CPPED1: variants seen among roughly 807,000 people sequenced by gnomAD.
CPPED1 encodes serine/threonine-protein phosphatase CPPED1.
Under a neutral mutation model 28.0 loss-of-function variants are expected in CPPED1, and 28 were observed. The ratio of observed to expected loss-of-function variants is 1.00; its 90% CI spans 0.74 to 1.37. The LOEUF (loss-of-function observed/expected upper bound fraction) is 1.37, where lower values mean the gene tolerates loss of function less well. Ranked by LOEUF, CPPED1 falls within the 40% of genes most tolerant of loss-of-function variation. CPPED1 has a pLI of 0.00. For missense variants in CPPED1, 504 were observed against 416.5 expected (o/e 1.21, Z -1.83); for synonymous variants, 198 against 180.2 (o/e 1.10, Z -0.79).
chr16:12,733,297 CAG>C (rs1405406183), intron 2 of CPPED1, among the ~76,000 whole-genome samples: 15 of 130,262 alleles, frequency 1.2e-4, no homozygotes, highest in African/African-American at 4.3e-4. Flanking sequence ...TTTTTTGAGA[CAG>C]AGTCTTGTAC....
At chr16:12,732,307 T>C (rs1481368033) in intron 2 of CPPED1, among the ~76,000 whole-genome samples, 1 of 137,706 alleles carries the variant, frequency 7.3e-6, no homozygotes, top group Non-Finnish European at 1.6e-5. Flanking sequence ...GCTTAGAAGA[T>C]AAGGTGAGGA....
At chr16:12,734,227 G>A (rs951866793) in intron 2 of CPPED1, among the ~76,000 whole-genome samples, 6 of 151,238 alleles carry the variant, frequency 4.0e-5, no homozygotes, top group Admixed American at 4.0e-4. Context: ...GCACCACCAT[G>A]CCCAGCTAAT....
rs1306574265 is a variant in CPPED1 at position 12,732,060 on chromosome 16, G to A, written c.290-27011C>T. 2.0e-5 allele frequency among the ~76,000 whole-genome samples: 3 copies of A among 152,098 alleles called. No homozygotes were observed. The East Asian group carries it at 5.8e-4, about 30-fold the overall frequency. ...CGCCTGTAATCCCAGCTACTCAGGA[G>A]GCTGGGGCAGTAGAATCGCCTGGGG... On this transcript the variant is annotated intron_variant, in intron 2 of 3. Transcript: ENST00000381774.
intron 2 of CPPED1, among the ~76,000 whole-genome samples, chr16:12,767,267 G>A (rs1001938609): frequency 6.6e-6 from 1 of 152,164 alleles, no homozygotes; most frequent in African/African-American, 2.4e-5. Context: ...CCAGGGGCAG[G>A]AGAAGGTAGA....
intron 2 of CPPED1, among the ~76,000 whole-genome samples, chr16:12,764,863 G>T (rs12599219): frequency 0.018 from 2,672 of 152,280 alleles, 67 homozygotes; most frequent in East Asian, 0.12. Context: ...CTAAGCAGGG[G>T]CAAACACATA....
At chr16:12,736,851 C>G (rs900764175) in intron 2 of CPPED1, among the ~76,000 whole-genome samples, 7 of 151,988 alleles carry the variant, frequency 4.6e-5, no homozygotes, top group Non-Finnish European at 2.9e-5. Context: ...CGGAGGGAAA[C>G]CAAGTGGGAA....
chr16:12,777,345 T>C (rs1369237210), intron 2 of CPPED1, among the ~76,000 whole-genome samples: 2 of 152,210 alleles, frequency 1.3e-5, no homozygotes, highest in African/African-American at 2.4e-5. Context: ...ATGTTCTGAT[T>C]TGTCAGCTTC....
chr16:12,676,234 C>T (rs2079877138), intron 3 of CPPED1, among the ~76,000 whole-genome samples: 1 of 152,180 alleles, frequency 6.6e-6, no homozygotes, highest in Non-Finnish European at 1.5e-5. Context: ...CTTCAGTTAG[C>T]TTGAGACAAT....
chr16:12,791,775 G>C lies in CPPED1; in HGVS notation c.71-10372C>G, dbSNP rs572188257. ...CAGAGCCACCATCCTGAAAGCTCCAGGGCAGGCCCACGTTTGCATTCCCTT... is the reference window on the plus strand; with the variant it reads ...CAGAGCCACCATCCTGAAAGCTCCACGGCAGGCCCACGTTTGCATTCCCTT... On this transcript the variant is annotated intron_variant, in intron 1 of 3. Coordinates refer to ENST00000381774, the MANE Select transcript of CPPED1 (RefSeq NM_018340.3). 3.2e-3 allele frequency among the ~76,000 whole-genome samples: 494 copies of C among 152,296 alleles called. 1 individual carries two copies. The highest frequency in any genetic ancestry group is 5.5e-3 in the Non-Finnish European group (373 of 68,028).
intron 1 of CPPED1, among the ~76,000 whole-genome samples, chr16:12,797,819 A>G (rs541926476): frequency 2.6e-4 from 40 of 152,126 alleles, no homozygotes; most frequent in Non-Finnish European, 4.4e-4. Context: ...TGGGTTGGAC[A>G]AGCTTGTCCT....
At chr16:12,747,659 C>T (rs2080299148) in intron 2 of CPPED1, among the ~76,000 whole-genome samples, 1 of 152,058 alleles carries the variant, frequency 6.6e-6, no homozygotes, top group Non-Finnish European at 1.5e-5. Flanking sequence ...CTCAGGCAAT[C>T]TGCCCGCCTC....
At chr16:12,783,266 G>T (rs1453873863) in intron 1 of CPPED1, among the ~76,000 whole-genome samples, 2 of 152,240 alleles carry the variant, frequency 1.3e-5, no homozygotes, top group African/African-American at 4.8e-5. Context: ...GGGAGGCCAA[G>T]GCGGGCAGAT....
chr16:12,667,396 A>G (rs1431187038), intron 3 of CPPED1, among the ~76,000 whole-genome samples: 2 of 152,212 alleles, frequency 1.3e-5, no homozygotes, highest in African/African-American at 4.8e-5. Flanking sequence ...AACAGGAGGT[A>G]ATGAACATTT....
intron 3 of CPPED1, among the ~76,000 whole-genome samples, chr16:12,669,679 T>G (rs181284956): frequency 3.1e-4 from 47 of 152,330 alleles, no homozygotes; most frequent in African/African-American, 1.0e-3. Context: ...TTCCTTGCTC[T>G]GTCAGCTGAG....
intron 2 of CPPED1, among the ~76,000 whole-genome samples, chr16:12,711,552 T>C (rs2080080011): frequency 6.6e-6 from 1 of 152,194 alleles, no homozygotes; most frequent in African/African-American, 2.4e-5. Context: ...ATCAATATAC[T>C]CATGATCCCT....
intron 2 of CPPED1, among the ~76,000 whole-genome samples, chr16:12,769,891 C>T (rs2080460115): frequency 6.6e-6 from 1 of 152,146 alleles, no homozygotes; most frequent in South Asian, 2.1e-4. Flanking sequence ...TAAATCCTGG[C>T]ATTTCTTGGA....
At chr16:12,698,911 C>CT (rs2080006102) in intron 3 of CPPED1, among the ~76,000 whole-genome samples, 2 of 152,254 alleles carry the variant, frequency 1.3e-5, no homozygotes, top group South Asian at 4.2e-4. Context: ...TCTGGGCTCT[C>CT]TAACACACAG....
At chr16:12,801,971 G>A (rs531623016) in intron 1 of CPPED1, among the ~76,000 whole-genome samples, 2 of 152,290 alleles carry the variant, frequency 1.3e-5, no homozygotes, top group South Asian at 4.1e-4. Context: ...CAGGGGTGGG[G>A]AGGAAGACAG....
At chr16:12,754,137 C>G (rs570494033) in intron 2 of CPPED1, among the ~76,000 whole-genome samples, 10 of 152,184 alleles carry the variant, frequency 6.6e-5, no homozygotes, top group Non-Finnish European at 1.5e-4. Context: ...AACTGCATCT[C>G]AGTGATGGAG....
Sources: allele counts gnomAD v4.1 joint callset (sites outside exome capture counted in the v4.1 genomes callset), GRCh38; gene constraint gnomAD v4.1.1; transcripts MANE v1.5; gene names NCBI Gene and HGNC (gene_info 2026-07-23, HGNC 2026-07-21).